The following PHACTR3 variants were observed in gnomAD, a reference collection of about 807,000 sequenced individuals.
The protein encoded by PHACTR3 is phosphatase and actin regulator 3.
In PHACTR3, 16 loss-of-function variants were observed where a neutral mutation model predicts 66.8. The ratio of observed to expected loss-of-function variants is 0.24; its 90% CI spans 0.16 to 0.36. The LOEUF (loss-of-function observed/expected upper bound fraction) is 0.36, where lower values mean the gene tolerates loss of function less well. Among genes scored for constraint, PHACTR3 ranks in the 10% least tolerant of loss-of-function variants. The probability of loss-of-function intolerance (pLI) is 1.00; values close to 1 mark genes in which losing one functional copy is unlikely to be tolerated. For missense variants in PHACTR3, 647 were observed against 719.9 expected, an observed-to-expected ratio of 0.90 and a Z score of 1.16; for synonymous variants, 323 against 292.1, an observed-to-expected ratio of 1.11 and a Z score of -1.08.
chr20:59,738,916 A>T lies in PHACTR3; in HGVS notation c.119-4191A>T, dbSNP rs187180882. Among the ~76,000 whole-genome samples, 4 of 152,246 alleles carry T rather than the reference A, an allele frequency of 2.6e-5. No individual in the cohort carries two copies. In the East Asian group the frequency reaches 7.7e-4, roughly 29 times the overall value. ...GCCCATCCTTCCCCTCGTGCAAAGC[A>T]TGCTCAGGACAGCAGGCTTTCCCAG... On this transcript the variant is annotated intron_variant, in intron 1 of 12. Coordinates refer to ENST00000371015, the MANE Select transcript of PHACTR3 (RefSeq NM_080672.5). This position sits in a 1 kb window ranked among gnomAD's most constrained non-coding sequence, Gnocchi z 4.4.
chr20:59,785,010 C>A, intron 7 of PHACTR3, among the ~76,000 whole-genome samples: 1 of 108,064 alleles, frequency 9.3e-6, no homozygotes, highest in Admixed American at 1.1e-4. Context: ...CAGGACTTTC[C>A]GAGGGTGGGA....
chr20:59,583,113 TC>T (rs1568915110), intron 1 of PHACTR3, among the ~76,000 whole-genome samples: 2 of 152,186 alleles, frequency 1.3e-5, no homozygotes. Flanking sequence ...CCTCTGCGTC[TC>T]CTTTTGAGGC....
Position 59,829,997 on chromosome 20 carries a change from G to A in PHACTR3, c.1329-6508G>A, listed in dbSNP as rs539264284. The stretch of plus-strand genomic sequence containing the variant: ...GTCCTTCCACTTCCTGAAATTACCT[G>A]CAGCCCCTGCTGCTGTGCTCATCAT... On this transcript the variant is annotated intron_variant, in intron 8 of 12. Transcript: ENST00000371015. This position sits in a 1 kb window ranked among gnomAD's most constrained non-coding sequence, Gnocchi z 4.2. Among the ~76,000 whole-genome samples, 32 of 151,822 alleles carry A rather than the reference G, an allele frequency of 2.1e-4. No homozygotes were observed. The highest frequency in any genetic ancestry group is 6.8e-4 in the African/African-American group (28 of 41,076).
intron 1 of PHACTR3, among the ~76,000 whole-genome samples, chr20:59,661,918 G>C (rs1419678976): frequency 6.6e-6 from 1 of 152,100 alleles, no homozygotes; most frequent in Non-Finnish European, 1.5e-5. Context: ...GCTTGCTGCG[G>C]CTCCTAATCT....
intron 1 of PHACTR3, among the ~76,000 whole-genome samples, chr20:59,614,094 G>A (rs1447761600): frequency 2.0e-5 from 3 of 152,226 alleles, no homozygotes; most frequent in African/African-American, 7.2e-5. Flanking sequence ...GAAGCTTAAA[G>A]AGGATCTTGA....
chr20:59,826,122 G>C (rs80274605), intron 8 of PHACTR3, among the ~76,000 whole-genome samples: 7,825 of 151,702 alleles, frequency 0.052, 261 homozygotes, highest in African/African-American at 0.083. Context: ...TAGCAGCCGC[G>C]CTGGGCAAGG....
intron 1 of PHACTR3, among the ~76,000 whole-genome samples, chr20:59,725,813 T>TC (rs1296363421): frequency 6.6e-6 from 1 of 152,188 alleles, no homozygotes. Context: ...TCATTGGCTC[T>TC]CGGCTCTGTG....
chr20:59,609,588 G>A (rs1395097047), intron 1 of PHACTR3, among the ~76,000 whole-genome samples: 1 of 151,840 alleles, frequency 6.6e-6, no homozygotes, highest in Non-Finnish European at 1.5e-5. Context: ...TGCAGAACAG[G>A]AAGTTTCCAA....
intron 1 of PHACTR3, among the ~76,000 whole-genome samples, chr20:59,619,337 G>A (rs2034152750): frequency 6.6e-6 from 1 of 152,166 alleles, no homozygotes. Context: ...GGGGATGCTG[G>A]TTTGAAGATG....
chr20:59,843,216 G>C (rs1269935000), intron 11 of PHACTR3, among the ~76,000 whole-genome samples: 1 of 152,038 alleles, frequency 6.6e-6, no homozygotes, highest in African/African-American at 2.4e-5. Flanking sequence ...AATTGAAGAG[G>C]CCACACACAA....
intron 1 of PHACTR3, among the ~76,000 whole-genome samples, chr20:59,635,347 G>A (rs1416117737): frequency 2.0e-5 from 3 of 146,718 alleles, no homozygotes; most frequent in Non-Finnish European, 4.5e-5. Flanking sequence ...CAATTCTTTT[G>A]TCTCAGCATC....
intron 1 of PHACTR3, among the ~76,000 whole-genome samples, chr20:59,742,404 A>G (rs2039198300): frequency 6.6e-6 from 1 of 152,162 alleles, no homozygotes; most frequent in Non-Finnish European, 1.5e-5. Flanking sequence ...GTCTACAAAC[A>G]TGGCCGTTTC....
intron 1 of PHACTR3, among the ~76,000 whole-genome samples, chr20:59,624,035 G>A (rs899412687): frequency 3.9e-5 from 6 of 152,128 alleles, no homozygotes; most frequent in African/African-American, 7.2e-5. Context: ...GGGGGAGAGT[G>A]GTTGGGAGCT....
rs2037824572 is a variant in PHACTR3 at position 59,709,193 on chromosome 20, A to G, written c.119-33914A>G. 2.0e-5 allele frequency among the ~76,000 whole-genome samples: 3 copies of G among 152,064 alleles called. No homozygotes were observed. In the South Asian group the frequency reaches 6.2e-4, roughly 32 times the overall value. On this transcript the variant is annotated intron_variant, in intron 1 of 12. Transcript: ENST00000371015. ...GGCTTGGACAATAAAAATCTCTCAAAACTTTTTTGGTCCCAGTTGGCTTCA... is the reference window on the plus strand; with the variant it reads ...GGCTTGGACAATAAAAATCTCTCAAGACTTTTTTGGTCCCAGTTGGCTTCA...
chr20:59,673,501 C>G (rs530484852), intron 1 of PHACTR3, among the ~76,000 whole-genome samples: 1 of 152,180 alleles, frequency 6.6e-6, no homozygotes, highest in Admixed American at 6.5e-5. Context: ...TCTCTTAGAC[C>G]TGCTCACAGC....
rs1253038266 is a variant in PHACTR3 at position 59,840,352 on chromosome 20, A to G, written c.1385-17A>G. 1 of 1,596,780 alleles carries G rather than the reference A, an allele frequency of 6.3e-7. No individual in the cohort carries two copies. The highest frequency in any genetic ancestry group is 8.5e-7 in the Non-Finnish European group (1 of 1,174,294). ...TTCTCTTTGTTATTTTTTTTTTCCT[A>G]TTTTAATCTTTCACAGAAAGGAATG... On this transcript the variant is annotated splice_polypyrimidine_tract_variant and intron_variant, in intron 9 of 12. Coordinates refer to ENST00000371015, the MANE Select transcript of PHACTR3 (RefSeq NM_080672.5).
chr20:59,707,853 G>A (rs899379337), intron 1 of PHACTR3, among the ~76,000 whole-genome samples: 1 of 152,166 alleles, frequency 6.6e-6, no homozygotes, highest in Non-Finnish European at 1.5e-5. Context: ...ACCAGAAGCA[G>A]ACATCAGTGC....
chr20:59,597,355 A>G (rs1198452646), intron 1 of PHACTR3, among the ~76,000 whole-genome samples: 1 of 152,102 alleles, frequency 6.6e-6, no homozygotes, highest in African/African-American at 2.4e-5. Context: ...CTCCTCCTTT[A>G]TCATCATCAT....
intron 1 of PHACTR3, among the ~76,000 whole-genome samples, chr20:59,734,266 A>AT (rs1310080956): frequency 1.3e-5 from 2 of 152,100 alleles, no homozygotes; most frequent in Non-Finnish European, 2.9e-5. Flanking sequence ...GAATCAATTA[A>AT]TTTTTTTAAG....
Sources: allele counts gnomAD v4.1 joint callset (sites outside exome capture counted in the v4.1 genomes callset), GRCh38; gene constraint gnomAD v4.1.1; non-coding constraint Gnocchi (gnomAD v3.1); transcripts MANE v1.5; gene names NCBI Gene and HGNC (gene_info 2026-07-23, HGNC 2026-07-21).